OLFML2A: variants seen among roughly 807,000 people sequenced by gnomAD.
OLFML2A encodes olfactomedin like 2A.
Under a neutral mutation model 60.9 loss-of-function variants are expected in OLFML2A, and 47 were observed. The observed-to-expected ratio is 0.77, with a 90% CI of 0.61 to 0.98. The LOEUF is 0.98. Among genes scored for constraint, OLFML2A ranks in the 50% least tolerant of loss-of-function variants. OLFML2A has a pLI of 0.00. For missense variants in OLFML2A, 922 were observed against 879.8 expected, an observed-to-expected ratio of 1.05 and a Z score of -0.61; for synonymous variants, 372 against 375.0, an observed-to-expected ratio of 0.99 and a Z score of 0.09.
At chr9:124,789,384 G>C (rs756921831) in intron 2 of OLFML2A, among the ~76,000 whole-genome samples, 19 of 152,320 alleles carry the variant, frequency 1.2e-4, no homozygotes, top group Non-Finnish European at 1.9e-4. Context: ...AGAAGATGCA[G>C]CCTCCTGGTT....
chr9:124,810,635 T>C lies in OLFML2A; in HGVS notation c.*223T>C, dbSNP rs1841994958. On this transcript the variant is annotated 3_prime_UTR_variant, in exon 8 of 8. Coordinates refer to ENST00000373580, the MANE Select transcript of OLFML2A (RefSeq NM_182487.4). ...AGCACTTCCCACACACTTACCCGTT[T>C]GATTCTCCTAGCACCTCCCTTGGAG... 4 of 582,430 alleles carry C rather than the reference T, an allele frequency of 6.9e-6. No individual in the cohort carries two copies. Among genetic ancestry groups the C allele is most frequent in the Non-Finnish European group, 1.2e-5 (4 of 327,332 alleles). The allele number at this position is 582,430 out of a possible 1,614,324, so 36.1% of individuals were successfully genotyped here. A position where few individuals can be genotyped will look rare whatever the true frequency, so the allele number is the denominator to read the frequency against.
At chr9:124,791,521 G>A (rs1841567745) in intron 2 of OLFML2A, among the ~76,000 whole-genome samples, 1 of 152,148 alleles carries the variant, frequency 6.6e-6, no homozygotes, top group African/African-American at 2.4e-5. Flanking sequence ...TGGATCACCT[G>A]AGGTCAGGAG....
chr9:124,777,377 G>C lies in OLFML2A; in HGVS notation c.90+17G>C. On this transcript the variant is annotated intron_variant, in intron 1 of 7. Coordinates refer to ENST00000373580, the MANE Select transcript of OLFML2A (RefSeq NM_182487.4). The surrounding 1 kb of genome is among the most constrained non-coding windows in gnomAD (Gnocchi z 6.2). ...GACAGTAAGGTACGCACGCCCCTCG[G>C]ACCCGCGCGGCTCGGCGGGTAGCGG... 1 of 1,241,846 alleles carries C rather than the reference G, an allele frequency of 8.1e-7. No homozygotes were observed. Among genetic ancestry groups the C allele is most frequent in the East Asian group, 3.2e-5 (1 of 30,894 alleles). The allele number at this position is 1,241,846 out of a possible 1,614,324, so 76.9% of individuals were successfully genotyped here.
At chr9:124,801,748 C>A (rs1841783901) in intron 5 of OLFML2A, 85 bp downstream of exon 5, 1 of 1,409,190 alleles carries the variant, frequency 7.1e-7, no homozygotes, top group Non-Finnish European at 9.7e-7. Flanking sequence ...AGTGGGACCA[C>A]CCCAGATTCA....
At chr9:124,778,612 C>A (rs1005706071) in intron 1 of OLFML2A, among the ~76,000 whole-genome samples, 3 of 117,968 alleles carry the variant, frequency 2.5e-5, no homozygotes, top group African/African-American at 1.1e-4. Flanking sequence ...CAGAGTGAGA[C>A]CCCGTCTCTA....
At chr9:124,804,395 C>G (rs938735156) in intron 6 of OLFML2A, 53 bp downstream of exon 6, 72 of 1,470,016 alleles carry the variant, frequency 4.9e-5, no homozygotes, top group Non-Finnish European at 6.5e-5. Flanking sequence ...CAAATCTAGC[C>G]CACAGCCTGT....
chr9:124,790,347 G>C (rs57736988), intron 2 of OLFML2A, among the ~76,000 whole-genome samples: 2,983 of 150,894 alleles, frequency 0.02, 95 homozygotes, highest in African/African-American at 0.068. Flanking sequence ...TTTTTTTTTT[G>C]TATTTTTAGT....
chr9:124,777,456 G>C lies in OLFML2A; in HGVS notation c.90+96G>C. 1 of 1,156,502 alleles carries C rather than the reference G, an allele frequency of 8.6e-7. No individual in the cohort carries two copies. 71.6% of individuals were successfully genotyped at this position (1,156,502 alleles called of 1,614,324 possible). On this transcript the variant is annotated intron_variant, in intron 1 of 7. Coordinates refer to ENST00000373580, the MANE Select transcript of OLFML2A (RefSeq NM_182487.4). The surrounding 1 kb of genome is among the most constrained non-coding windows in gnomAD (Gnocchi z 6.2). The stretch of plus-strand genomic sequence containing the variant: ...CGGCCCGGGAGGGAGCCCGGGGCCA[G>C]GGCGGAGGAGCCGGGAGCTGAGAGA...
chr9:124,809,933 C>T lies in OLFML2A; in HGVS notation c.1480C>T (p.Arg494Cys), dbSNP rs775121644. The T allele has an allele frequency of 6.2e-7, 1 of 1,614,202 alleles. No homozygotes were observed. The highest frequency in any genetic ancestry group is 8.5e-7 in the Non-Finnish European group (1 of 1,180,030). The change falls in exon 8 of 8, where the codon CGC becomes TGC. Residue 494 changes from arginine (R) to cysteine (C), a missense_variant. Coordinates refer to ENST00000373580, the MANE Select transcript of OLFML2A (RefSeq NM_182487.4). ...KNIIKYDLRQRFVASWALLPD... is the reference protein window; with the variant it reads ...KNIIKYDLRQCFVASWALLPD... ...CATCATCAAGTACGACCTACGGCAG[C>T]GCTTCGTGGCCTCCTGGGCGCTGCT...
At chr9:124,791,284 T>C (rs1841564316) in intron 2 of OLFML2A, among the ~76,000 whole-genome samples, 2 of 152,232 alleles carry the variant, frequency 1.3e-5, no homozygotes, top group Admixed American at 1.3e-4. Flanking sequence ...GGGTGTGGCA[T>C]GAGCCTTCTC....
At chr9:124,784,940 C>CTTTTTTTTTTTTTT (rs1461676348) in intron 1 of OLFML2A, among the ~76,000 whole-genome samples, 4 of 50,042 alleles carry the variant, frequency 8.0e-5, no homozygotes, top group African/African-American at 9.8e-5. Flanking sequence ...ATTCCTTTTA[C>CTTTTTTTTTTTTTT]TTGTTTTTTT....
rs1841993744 is a variant in OLFML2A, at chr9:124,810,567, C to T, written c.*155C>T. The T allele has an allele frequency of 1.4e-6, 1 of 702,432 alleles. No homozygotes were observed. Among genetic ancestry groups the T allele is most frequent in the Admixed American group, 2.9e-5 (1 of 34,032 alleles). The allele number at this position is 702,432 out of a possible 1,614,324, so 43.5% of individuals were successfully genotyped here. ...TCACCAGGATTGAGCTTCCTCAGCA[C>T]CCAGTGGGTAATACTTGCTTCCACT... On this transcript the variant is annotated 3_prime_UTR_variant, in exon 8 of 8. Transcript: ENST00000373580.
rs1842028311 is a variant in OLFML2A at position 124,811,888 on chromosome 9, C to T, written c.*1476C>T. ...AGGCTCAGAAAAGTTTAGAGAGCAGCTCAGTGTCACACTGGGAGCTGGGCA... is the reference window on the plus strand; with the variant it reads ...AGGCTCAGAAAAGTTTAGAGAGCAGTTCAGTGTCACACTGGGAGCTGGGCA... On this transcript the variant is annotated 3_prime_UTR_variant, in exon 8 of 8. Coordinates refer to ENST00000373580, the MANE Select transcript of OLFML2A (RefSeq NM_182487.4). 1 of 152,252 alleles carries T rather than the reference C, an allele frequency of 6.6e-6. No homozygotes were observed. Among genetic ancestry groups the T allele is most frequent in the Admixed American group, 6.5e-5 (1 of 15,284 alleles). The allele number at this position is 152,252 out of a possible 1,614,324, so 9.4% of individuals were successfully genotyped here.
In OLFML2A at chr9:124,811,717, CCACTGGTG is replaced by C. The variant is rs1842026132; in HGVS notation, c.*1306_*1313del. ...TGCACGGGGGCCACCTTGCCCGGGG[CCACTGGTG>C]GCTCCCCAGAGCCTCAGACCCACAC... On this transcript the variant is annotated 3_prime_UTR_variant, in exon 8 of 8. Transcript: ENST00000373580. 1 of 152,230 alleles carries C rather than the reference CCACTGGTG, an allele frequency of 6.6e-6. No homozygotes were observed. 9.4% of individuals were successfully genotyped at this position (152,230 alleles called of 1,614,324 possible).
chr9:124,780,962 G>A lies in OLFML2A; in HGVS notation c.90+3602G>A, dbSNP rs545146033. 1.6e-4 allele frequency among the ~76,000 whole-genome samples: 25 copies of A among 152,300 alleles called. No homozygotes were observed. In the South Asian group the frequency reaches 1.7e-3, roughly 10 times the overall value. ...CAGATAGGCTGGGGAGCCGGAAAGC[G>A]TCTGAACCATCGGGTTAGAGCAGGA... On this transcript the variant is annotated intron_variant, in intron 1 of 7. Transcript: ENST00000373580.
Position 124,810,563 on chromosome 9 carries a change from A to C in OLFML2A, c.*151A>C. 1 of 726,978 alleles carries C rather than the reference A, an allele frequency of 1.4e-6. No homozygotes were observed. Among genetic ancestry groups the C allele is most frequent in the South Asian group, 1.9e-5 (1 of 53,092 alleles). 45.0% of individuals were successfully genotyped at this position (726,978 alleles called of 1,614,324 possible). A position where few individuals can be genotyped will look rare whatever the true frequency, so the allele number is the denominator to read the frequency against. On this transcript the variant is annotated 3_prime_UTR_variant, in exon 8 of 8. Coordinates refer to ENST00000373580, the MANE Select transcript of OLFML2A (RefSeq NM_182487.4). ...GTGGTCACCAGGATTGAGCTTCCTC[A>C]GCACCCAGTGGGTAATACTTGCTTC...
intron 5 of OLFML2A, among the ~76,000 whole-genome samples, chr9:124,801,869 C>T (rs1841786129): frequency 6.6e-6 from 1 of 152,224 alleles, no homozygotes; most frequent in Admixed American, 6.5e-5. Flanking sequence ...TGCAGGGCCA[C>T]TCAGTGGCTT....
At position 124,804,459 on chromosome 9, in the gene OLFML2A, C is replaced by G. The variant is rs545786415; in HGVS notation, c.1168+117C>G. 7.9e-5 allele frequency: 82 copies of G among 1,035,644 alleles called. No homozygotes were observed. The East Asian group carries it at 2.0e-3, about 26-fold the overall frequency. The allele number at this position is 1,035,644 out of a possible 1,614,324, so 64.2% of individuals were successfully genotyped here. Reference sequence around the variant, plus strand: ...CTTTTTATAGCTGAGCATGGTAGCTCACACCTGTAACACCAGCACTTTGGG... The same window carrying G: ...CTTTTTATAGCTGAGCATGGTAGCTGACACCTGTAACACCAGCACTTTGGG... On this transcript the variant is annotated intron_variant, in intron 6 of 7. Transcript: ENST00000373580.
intron 2 of OLFML2A, among the ~76,000 whole-genome samples, chr9:124,793,403 C>T (rs1841604186): frequency 6.6e-6 from 1 of 152,230 alleles, no homozygotes; most frequent in South Asian, 2.1e-4. Flanking sequence ...GGTCCTGCTG[C>T]TGACCTGTTG....
Sources: gnomAD v4.1 joint callset for allele counts (sites outside exome capture counted in the v4.1 genomes callset) on GRCh38, gnomAD v4.1.1 for gene constraint, Gnocchi (gnomAD v3.1) non-coding constraint, MANE v1.5 for transcripts, NCBI Gene and HGNC (gene_info 2026-07-23, HGNC 2026-07-21) for gene names.